The following NME7 variants were observed in gnomAD, a reference collection of about 807,000 sequenced individuals.
The protein encoded by NME7 is NME/NM23 family member 7.
Under a neutral mutation model 49.1 loss-of-function variants are expected in NME7, and 41 were observed. The observed-to-expected ratio is 0.83, with a 90% CI of 0.65 to 1.08. The LOEUF (loss-of-function observed/expected upper bound fraction) is 1.08. Ranked by LOEUF, NME7 falls within the 50% of genes least tolerant of loss-of-function variation. NME7 has a pLI of 0.00. For missense variants in NME7, 423 were observed against 463.4 expected, an observed-to-expected ratio of 0.91 and a Z score of 0.80; for synonymous variants, 139 against 150.6, an observed-to-expected ratio of 0.92 and a Z score of 0.56.
At chr1:169,251,644 T>A (rs1277037010) in intron 7 of NME7, among the ~76,000 whole-genome samples, 1 of 149,034 alleles carries the variant, frequency 6.7e-6, no homozygotes, top group East Asian at 2.0e-4. Flanking sequence ...TGTGCCATGC[T>A]GGTGCACTGC....
intron 6 of NME7, among the ~76,000 whole-genome samples, chr1:169,288,276 C>A (rs1195699692): frequency 6.6e-6 from 1 of 152,036 alleles, no homozygotes; most frequent in Non-Finnish European, 1.5e-5. Context: ...CTCTGTAGGA[C>A]CCCTAGCACC....
chr1:169,257,529 G>A lies in NME7; in HGVS notation c.755-19842C>T, dbSNP rs915815662. The stretch of plus-strand genomic sequence containing the variant: ...AATGCAGAAATCACCCGTCTTCTGC[G>A]TCGCTCACGCTGGGAGCTGTAGACC... On this transcript the variant is annotated intron_variant, in intron 7 of 11. Transcript: ENST00000367811. Among the ~76,000 whole-genome samples, 87 of 133,900 alleles carry A rather than the reference G, an allele frequency of 6.5e-4. 18 individuals are homozygous for A. Among genetic ancestry groups the A allele is most frequent in the Admixed American group, 2.7e-3 (37 of 13,712 alleles). 87.8% of individuals were successfully genotyped at this position (133,900 alleles called of 152,430 possible). A position where few individuals can be genotyped will look rare whatever the true frequency, so the allele number is the denominator to read the frequency against.
chr1:169,335,575 A>G (rs1030925968), intron 1 of NME7, among the ~76,000 whole-genome samples: 5 of 151,640 alleles, frequency 3.3e-5, no homozygotes, highest in African/African-American at 7.3e-5. Context: ...GAGGGAAGGG[A>G]ACTTAGGGGA....
chr1:169,182,231 G>T (rs1027548795), intron 10 of NME7, among the ~76,000 whole-genome samples: 40 of 150,516 alleles, frequency 2.7e-4, no homozygotes, highest in African/African-American at 9.7e-4. Context: ...AACCAGGCTA[G>T]TCTTGAAGTC....
At chr1:169,320,451 T>C (rs1297503601) in intron 3 of NME7, among the ~76,000 whole-genome samples, 2 of 152,178 alleles carry the variant, frequency 1.3e-5, no homozygotes, top group African/African-American at 2.4e-5. Flanking sequence ...GGCTTTACTA[T>C]AGAAAGAAAA....
At chr1:169,355,078 A>T in intron 1 of NME7, among the ~76,000 whole-genome samples, 1 of 63,002 alleles carries the variant, frequency 1.6e-5, no homozygotes, top group Non-Finnish European at 2.7e-5. Context: ...TATAGATATA[A>T]TATATAATAT....
At chr1:169,202,849 A>G (rs1660584280) in intron 10 of NME7, among the ~76,000 whole-genome samples, 1 of 152,164 alleles carries the variant, frequency 6.6e-6, no homozygotes, top group African/African-American at 2.4e-5. Context: ...TAAATATTCA[A>G]TGGGTTATAG....
intron 10 of NME7, among the ~76,000 whole-genome samples, chr1:169,215,161 T>C (rs975260319): frequency 6.6e-6 from 1 of 151,996 alleles, no homozygotes; most frequent in Admixed American, 6.6e-5. Context: ...TCCCCTGAAG[T>C]CAGGTTGCCT....
intron 11 of NME7, among the ~76,000 whole-genome samples, chr1:169,136,579 G>A (rs536595235): frequency 3.9e-5 from 6 of 152,210 alleles, no homozygotes; most frequent in Non-Finnish European, 8.8e-5. Context: ...ACTTCTAAAC[G>A]TCTTACATGG....
intron 10 of NME7, among the ~76,000 whole-genome samples, chr1:169,226,870 T>C (rs1647361320): frequency 6.6e-6 from 1 of 152,134 alleles, no homozygotes; most frequent in African/African-American, 2.4e-5. Context: ...CAACTTTCTA[T>C]AATGCTATGA....
chr1:169,341,184 G>A (rs865790705), intron 1 of NME7, among the ~76,000 whole-genome samples: 4 of 152,206 alleles, frequency 2.6e-5, no homozygotes, highest in Non-Finnish European at 2.9e-5. Context: ...CCACTGCTCT[G>A]TGTGGCCCTG....
intron 10 of NME7, among the ~76,000 whole-genome samples, chr1:169,175,504 C>T (rs928667955): frequency 1.3e-5 from 2 of 152,092 alleles, no homozygotes; most frequent in African/African-American, 4.8e-5. Flanking sequence ...ATACAAGTGG[C>T]AGCACAGTAG....
At chr1:169,320,846 G>A (rs964256810) in intron 3 of NME7, among the ~76,000 whole-genome samples, 3 of 152,012 alleles carry the variant, frequency 2.0e-5, no homozygotes, top group Admixed American at 1.3e-4. Context: ...TGTTCATCCT[G>A]TTTTAAAATC....
intron 11 of NME7, chr1:169,168,952 T>G: frequency 2.2e-6 from 1 of 449,740 alleles, no homozygotes; most frequent in East Asian, 7.0e-5. Flanking sequence ...TCAAACATTG[T>G]TCAAGGGTCA....
chr1:169,350,241 A>AAG (rs1553196985), intron 1 of NME7, among the ~76,000 whole-genome samples: 15 of 3,704 alleles, frequency 4.0e-3, no homozygotes, highest in Admixed American at 0.012. Context: ...AAAGAAAGAA[A>AAG]GAAAGAAGGA....
At chr1:169,293,548 T>C (rs1650596663) in intron 6 of NME7, among the ~76,000 whole-genome samples, 1 of 152,144 alleles carries the variant, frequency 6.6e-6, no homozygotes, top group Admixed American at 6.6e-5. Context: ...CTGATATACT[T>C]ACCTACTCCC....
At chr1:169,272,171 C>A (rs1649513617) in intron 7 of NME7, among the ~76,000 whole-genome samples, 1 of 131,552 alleles carries the variant, frequency 7.6e-6, no homozygotes, top group African/African-American at 2.5e-5. Context: ...GCTCTAAAAA[C>A]CATTAAATCC....
chr1:169,270,074 A>G (rs1176661789), intron 7 of NME7, among the ~76,000 whole-genome samples: 1 of 133,316 alleles, frequency 7.5e-6, no homozygotes, highest in Non-Finnish European at 1.8e-5. Context: ...CCTGGCCAAA[A>G]TTTTCCTTTA....
At chr1:169,212,299 G>A (rs139176683) in intron 10 of NME7, among the ~76,000 whole-genome samples, 1 of 151,776 alleles carries the variant, frequency 6.6e-6, no homozygotes, top group Non-Finnish European at 1.5e-5. Flanking sequence ...TTAATAAATT[G>A]CTATTAAATA....
Sources: gnomAD v4.1 joint callset for allele counts (sites outside exome capture counted in the v4.1 genomes callset) on GRCh38, gnomAD v4.1.1 for gene constraint, MANE v1.5 for transcripts, NCBI Gene and HGNC (gene_info 2026-07-23, HGNC 2026-07-21) for gene names.